The following TTC39B variants were observed in gnomAD, a reference collection of about 807,000 sequenced individuals.
TTC39B encodes tetratricopeptide repeat domain 39B, also known as tetratricopeptide repeat protein 39B.
TTC39B carries 92 observed loss-of-function variants against 96.6 expected under a neutral mutation model. That is an observed-to-expected ratio of 0.95 (90% CI 0.80 to 1.13). The LOEUF (loss-of-function observed/expected upper bound fraction) is 1.13, where lower values mean the gene tolerates loss of function less well. Among genes scored for constraint, TTC39B ranks in the 50% most tolerant of loss-of-function variants. The probability of loss-of-function intolerance (pLI) is 0.00; values close to 1 mark genes in which losing one functional copy is unlikely to be tolerated. For missense variants in TTC39B, 955 were observed against 809.3 expected (o/e 1.18, Z -2.18); for synonymous variants, 367 against 299.4 (o/e 1.23, Z -2.33).
At chr9:15,176,327 T>G (rs1418008582) in intron 18 of TTC39B, among the ~76,000 whole-genome samples, 1 of 152,240 alleles carries the variant, frequency 6.6e-6, no homozygotes, top group East Asian at 1.9e-4. Context: ...GATCATCCTT[T>G]TAATCCTTAT....
exon 20 of TTC39B, chr9:15,165,465 A>G (rs981829029): frequency 6.6e-6 from 1 of 152,256 alleles, no homozygotes; most frequent in African/African-American, 2.4e-5. Context: ...TCCAAAGCAA[A>G]GAGTGTCATA....
At chr9:15,252,277 G>A (rs1338768841) in intron 2 of TTC39B, among the ~76,000 whole-genome samples, 1 of 152,066 alleles carries the variant, frequency 6.6e-6, no homozygotes, top group Non-Finnish European at 1.5e-5. Context: ...TGGATAATAT[G>A]TAACATGTAA....
At chr9:15,296,232 C>T (rs1326582068) in intron 1 of TTC39B, among the ~76,000 whole-genome samples, 1 of 152,134 alleles carries the variant, frequency 6.6e-6, no homozygotes, top group African/African-American at 2.4e-5. Context: ...GAACTTAGTC[C>T]GAAGGTAAAA....
chr9:15,178,587 A>C (rs1472252776), intron 17 of TTC39B, among the ~76,000 whole-genome samples: 1 of 152,206 alleles, frequency 6.6e-6, no homozygotes, highest in African/African-American at 2.4e-5. Flanking sequence ...ATACACATAC[A>C]TTCCTACAGT....
intron 8 of TTC39B, among the ~76,000 whole-genome samples, chr9:15,198,004 G>A (rs1206956658): frequency 6.6e-6 from 1 of 152,150 alleles, no homozygotes; most frequent in East Asian, 1.9e-4. Flanking sequence ...TCTTTAGTCT[G>A]AAAGTAAACA....
chr9:15,222,331 A>G (rs1820890131), intron 3 of TTC39B, among the ~76,000 whole-genome samples: 1 of 152,206 alleles, frequency 6.6e-6, no homozygotes, highest in Non-Finnish European at 1.5e-5. Flanking sequence ...ATTTTAAAGC[A>G]CACAGCTCGG....
chr9:15,266,374 T>C (rs868308265), intron 2 of TTC39B, among the ~76,000 whole-genome samples: 2 of 152,074 alleles, frequency 1.3e-5, no homozygotes, highest in South Asian at 2.1e-4. Context: ...TTAGGGTATA[T>C]ATAATTTAAA....
intron 7 of TTC39B, 45 bp downstream of exon 7, chr9:15,203,778 G>A (rs187986065): frequency 2.0e-6 from 3 of 1,530,294 alleles, no homozygotes; most frequent in Non-Finnish European, 2.7e-6. Flanking sequence ...TGCAGCACTG[G>A]CAGTCTTCCC....
intron 1 of TTC39B, among the ~76,000 whole-genome samples, chr9:15,271,338 A>G (rs887343815): frequency 1.3e-5 from 2 of 152,194 alleles, no homozygotes; most frequent in African/African-American, 4.8e-5. Flanking sequence ...GAAAAAGACT[A>G]CCTCAAAGAT....
intron 1 of TTC39B, among the ~76,000 whole-genome samples, chr9:15,289,943 T>C (rs1122677): frequency 0.24 from 36,266 of 152,050 alleles, 5,204 homozygotes; most frequent in Non-Finnish European, 0.31. Context: ...CCCCTGATGA[T>C]GTCCAGTGTG....
chr9:15,231,696 C>A (rs1485773328), intron 2 of TTC39B, among the ~76,000 whole-genome samples: 2 of 152,072 alleles, frequency 1.3e-5, no homozygotes, highest in Non-Finnish European at 2.9e-5. Context: ...TTAACTTCCC[C>A]AATAAATCCA....
At chr9:15,246,279 A>C (rs1454985808) in intron 2 of TTC39B, among the ~76,000 whole-genome samples, 1 of 152,052 alleles carries the variant, frequency 6.6e-6, no homozygotes, top group Non-Finnish European at 1.5e-5. Flanking sequence ...TAAATAAATA[A>C]ATCACCAGAG....
intron 2 of TTC39B, among the ~76,000 whole-genome samples, chr9:15,250,380 G>T (rs927486781): frequency 6.6e-6 from 1 of 151,544 alleles, no homozygotes. Context: ...CCTAATCCAG[G>T]GATTCATGTC....
At chr9:15,266,396 T>C (rs551719228) in intron 2 of TTC39B, among the ~76,000 whole-genome samples, 1 of 152,158 alleles carries the variant, frequency 6.6e-6, no homozygotes, top group Non-Finnish European at 1.5e-5. Context: ...TCCATAAGTA[T>C]GTTAAGAGAA....
intron 2 of TTC39B, among the ~76,000 whole-genome samples, chr9:15,253,027 C>T (rs1822619419): frequency 6.6e-6 from 1 of 152,104 alleles, no homozygotes; most frequent in Non-Finnish European, 1.5e-5. Flanking sequence ...CCAAACATAC[C>T]ATATGTATGT....
chr9:15,271,246 T>A (rs1409952881), intron 1 of TTC39B, among the ~76,000 whole-genome samples: 1 of 152,186 alleles, frequency 6.6e-6, no homozygotes, highest in Non-Finnish European at 1.5e-5. Context: ...AGAGTGTATT[T>A]GTGTTTAATT....
chr9:15,190,159 G>A (rs1312675154), intron 11 of TTC39B, among the ~76,000 whole-genome samples: 2 of 151,938 alleles, frequency 1.3e-5, no homozygotes, highest in Admixed American at 6.6e-5. Context: ...GAGAACAGAT[G>A]AAAATTATTT....
chr9:15,183,358 T>G (rs1222141358), intron 16 of TTC39B: 1 of 436,704 alleles, frequency 2.3e-6, no homozygotes, highest in African/African-American at 2.1e-5. Flanking sequence ...AAATTGATGA[T>G]GATCTTTTAA....
At chr9:15,287,104 G>T (rs1348031848) in intron 1 of TTC39B, among the ~76,000 whole-genome samples, 1 of 152,120 alleles carries the variant, frequency 6.6e-6, no homozygotes, top group South Asian at 2.1e-4. Context: ...GATATTGGGG[G>T]TCTGCTTGAT....
Sources: gnomAD v4.1 joint callset for allele counts (sites outside exome capture counted in the v4.1 genomes callset) on GRCh38, gnomAD v4.1.1 for gene constraint, MANE v1.5 for transcripts, NCBI Gene and HGNC (gene_info 2026-07-23, HGNC 2026-07-21) for gene names.